Variants in LRP1B observed in about 807,000 individuals in gnomAD.
LRP1B encodes low-density lipoprotein receptor-related protein 1B.
In LRP1B, 217 loss-of-function variants were observed where a neutral mutation model predicts 556.6. That is an observed-to-expected ratio of 0.39 (90% CI 0.35 to 0.44). LRP1B has a LOEUF of 0.44. Among genes scored for constraint, LRP1B ranks in the 20% least tolerant of loss-of-function variants. The pLI is 1.00. For synonymous variants in LRP1B, 2,047 were observed against 1,865.8 expected (o/e 1.10, Z -2.50); for missense variants, 5,053 against 5,620.8 (o/e 0.90, Z 3.23).
chr2:141,519,384 TATATATATATATATATATGA>T (rs1684449677), intron 2 of LRP1B, among the ~76,000 whole-genome samples: 1 of 92,678 alleles, frequency 1.1e-5, no homozygotes, highest in African/African-American at 5.3e-5. Flanking sequence ...TATATATATA[TATATATATATATATATATGA>T]AATGCAATAT....
chr2:141,940,614 C>T (rs1190685385), intron 1 of LRP1B, among the ~76,000 whole-genome samples: 2 of 152,188 alleles, frequency 1.3e-5, no homozygotes, highest in South Asian at 2.1e-4. Context: ...TAACTAAATC[C>T]GGTTTCCTTA....
chr2:141,016,297 T>G (rs973009875), intron 12 of LRP1B, among the ~76,000 whole-genome samples: 1 of 152,052 alleles, frequency 6.6e-6, no homozygotes. Context: ...TATAATCAAT[T>G]ATGTGATTAA....
intron 37 of LRP1B, among the ~76,000 whole-genome samples, chr2:140,711,823 C>T (rs16844580): frequency 0.014 from 2,164 of 152,220 alleles, 43 homozygotes; most frequent in South Asian, 0.049. Context: ...ATTTGATCTC[C>T]GCATTCTATC....
intron 2 of LRP1B, among the ~76,000 whole-genome samples, chr2:141,528,388 C>T (rs1222536694): frequency 6.6e-6 from 1 of 151,682 alleles, no homozygotes; most frequent in African/African-American, 2.4e-5. Flanking sequence ...AGAATATCAC[C>T]AAAATGTCAC....
At chr2:141,235,187 T>C (rs1354353232) in intron 5 of LRP1B, among the ~76,000 whole-genome samples, 1 of 152,126 alleles carries the variant, frequency 6.6e-6, no homozygotes, top group Non-Finnish European at 1.5e-5. Flanking sequence ...ATCTTAGCAC[T>C]ACCTTTTATC....
chr2:140,892,581 ATAGATG>A (rs1301866173), intron 23 of LRP1B, among the ~76,000 whole-genome samples: 1 of 152,206 alleles, frequency 6.6e-6, no homozygotes, highest in Non-Finnish European at 1.5e-5. Context: ...AACTGTTGGT[ATAGATG>A]TAGACAGTGC....
At chr2:142,044,264 T>C (rs1387783610) in intron 1 of LRP1B, among the ~76,000 whole-genome samples, 1 of 151,910 alleles carries the variant, frequency 6.6e-6, no homozygotes, top group Middle Eastern at 3.4e-3. Context: ...GGTGAATTTC[T>C]ACTTGGAATT....
chr2:140,801,851 A>C (rs1323148875), intron 32 of LRP1B, among the ~76,000 whole-genome samples: 1 of 152,114 alleles, frequency 6.6e-6, no homozygotes, highest in African/African-American at 2.4e-5. Flanking sequence ...AGAGAGAATG[A>C]GAGGAAGGTA....
chr2:140,831,807 A>T (rs375116706), intron 31 of LRP1B, among the ~76,000 whole-genome samples: 1 of 152,270 alleles, frequency 6.6e-6, no homozygotes, highest in East Asian at 1.9e-4. Context: ...TATATAAGGA[A>T]CTCAATTCAA....
chr2:140,247,038 A>AT lies in LRP1B; in HGVS notation c.13324+47dup, dbSNP rs1373712039. 7 of 1,314,220 alleles carry AT rather than the reference A, an allele frequency of 5.3e-6. No homozygotes were observed. In the East Asian group the frequency reaches 1.6e-4, roughly 31 times the overall value. 81.4% of individuals were successfully genotyped at this position (1,314,220 alleles called of 1,614,324 possible). ...CTCACTCAATAATGACATAACAATG[A>AT]TTTATATACAGTGTAGATTACCCAA... On this transcript the variant is annotated intron_variant, in intron 87 of 90. Transcript: ENST00000389484.
intron 6 of LRP1B, among the ~76,000 whole-genome samples, chr2:141,226,848 A>G (rs920408826): frequency 1.3e-5 from 2 of 152,134 alleles, no homozygotes; most frequent in Non-Finnish European, 2.9e-5. Flanking sequence ...CCCTGCTCAC[A>G]CCCCTGCCCC....
At chr2:141,948,334 G>T (rs1701013640) in intron 1 of LRP1B, among the ~76,000 whole-genome samples, 1 of 151,564 alleles carries the variant, frequency 6.6e-6, no homozygotes, top group Non-Finnish European at 1.5e-5. Flanking sequence ...ATAATAAATG[G>T]AAATTTTTAT....
intron 84 of LRP1B, among the ~76,000 whole-genome samples, chr2:140,283,798 G>T (rs1683015833): frequency 6.6e-6 from 1 of 151,720 alleles, no homozygotes; most frequent in Non-Finnish European, 1.5e-5. Context: ...CTTATAGGAG[G>T]TATTCATAAT....
intron 1 of LRP1B, among the ~76,000 whole-genome samples, chr2:141,912,669 CTT>C (rs1236467789): frequency 1.3e-5 from 2 of 152,110 alleles, no homozygotes; most frequent in Non-Finnish European, 2.9e-5. Flanking sequence ...CTGATTTCGT[CTT>C]GTTTCTTAAA....
intron 60 of LRP1B, among the ~76,000 whole-genome samples, chr2:140,467,139 A>G (rs1030107806): frequency 6.6e-6 from 1 of 152,148 alleles, no homozygotes; most frequent in Admixed American, 6.5e-5. Context: ...TTTGAAATGC[A>G]TAAAATCAAT....
At chr2:140,512,187 A>G (rs952640845) in intron 51 of LRP1B, among the ~76,000 whole-genome samples, 32 of 152,144 alleles carry the variant, frequency 2.1e-4, no homozygotes, top group African/African-American at 7.7e-4. Context: ...GAATTACCCT[A>G]TCTTTAAAAT....
rs570590871 is a variant in LRP1B at position 142,013,055 on chromosome 2, G to C, written c.82+117593C>G. ...GTAGGAAACAGAGTGAATAGATTTA[G>C]CTCATGATTAGTTACCTTCTATGTG... On this transcript the variant is annotated intron_variant, in intron 1 of 90. Transcript: ENST00000389484. Among the ~76,000 whole-genome samples the C allele has an allele frequency of 2.3e-4, 35 of 152,286 alleles. 3 individuals carry two copies. In the South Asian group the frequency reaches 5.6e-3, roughly 24 times the overall value.
At chr2:141,576,102 C>A (rs1017764245) in intron 2 of LRP1B, among the ~76,000 whole-genome samples, 5 of 152,122 alleles carry the variant, frequency 3.3e-5, no homozygotes, top group Non-Finnish European at 5.9e-5. Context: ...GGTGTATACC[C>A]AAAGGAATAT....
chr2:141,115,845 T>TA (rs542376373), intron 7 of LRP1B, among the ~76,000 whole-genome samples: 105 of 152,126 alleles, frequency 6.9e-4, no homozygotes, highest in African/African-American at 2.4e-3. Context: ...AGAAAAAAAC[T>TA]AAAGAATTTT....
Sources: gnomAD v4.1 joint callset for allele counts (sites outside exome capture counted in the v4.1 genomes callset) on GRCh38, gnomAD v4.1.1 for gene constraint, MANE v1.5 for transcripts, NCBI Gene and HGNC (gene_info 2026-07-23, HGNC 2026-07-21) for gene names.